Variants in COL14A1 observed in about 807,000 individuals in gnomAD.
COL14A1 encodes collagen type XIV alpha 1 chain.
A neutral mutation model predicts 230.3 loss-of-function variants in COL14A1; 136 were observed. The ratio of observed to expected loss-of-function variants is 0.59; its 90% CI spans 0.51 to 0.68. The LOEUF (loss-of-function observed/expected upper bound fraction) is 0.68, where lower values mean the gene tolerates loss of function less well. Among genes scored for constraint, COL14A1 ranks in the 30% least tolerant of loss-of-function variants. The probability of loss-of-function intolerance (pLI) is 0.00; values close to 1 mark genes in which losing one functional copy is unlikely to be tolerated. For missense variants in COL14A1, 1,976 were observed against 2,215.8 expected (o/e 0.89, Z 2.17); for synonymous variants, 792 against 784.1 (o/e 1.01, Z -0.17).
intron 5 of COL14A1, among the ~76,000 whole-genome samples, chr8:120,196,000 G>C (rs551481566): frequency 6.6e-6 from 1 of 152,286 alleles, no homozygotes; most frequent in East Asian, 1.9e-4. Flanking sequence ...TTGTTGTAGA[G>C]ACTTAACCAT....
intron 45 of COL14A1, 45 bp downstream of exon 45, chr8:120,345,608 G>A (rs773489616): frequency 2.8e-6 from 4 of 1,438,504 alleles, no homozygotes; most frequent in East Asian, 2.7e-5. Flanking sequence ...TGAGTTGGGT[G>A]CAGGGAAGCA....
chr8:120,260,250 A>G (rs372811743), intron 23 of COL14A1, among the ~76,000 whole-genome samples: 1 of 152,164 alleles, frequency 6.6e-6, no homozygotes, highest in South Asian at 2.1e-4. Flanking sequence ...CAAAATTTAA[A>G]ATAACATATA....
At chr8:120,254,307 T>C (rs1212936623) in intron 22 of COL14A1, among the ~76,000 whole-genome samples, 1 of 152,198 alleles carries the variant, frequency 6.6e-6, no homozygotes. Flanking sequence ...AACAACAATT[T>C]TTGCATATCA....
At chr8:120,321,450 C>T (rs1480339474) in intron 40 of COL14A1, among the ~76,000 whole-genome samples, 1 of 151,854 alleles carries the variant, frequency 6.6e-6, no homozygotes, top group East Asian at 1.9e-4. Context: ...ACAAGCCTGG[C>T]CAACATGGTG....
intron 1 of COL14A1, among the ~76,000 whole-genome samples, chr8:120,127,685 T>G (rs1284402149): frequency 6.6e-6 from 1 of 152,232 alleles, no homozygotes; most frequent in Non-Finnish European, 1.5e-5. Context: ...CTTAAATATT[T>G]CCTAGTGTCA....
chr8:120,245,204 CT>C (rs1018994817), intron 20 of COL14A1, among the ~76,000 whole-genome samples: 1 of 152,162 alleles, frequency 6.6e-6, no homozygotes, highest in African/African-American at 2.4e-5. Context: ...TGATATTATC[CT>C]TTTTTGTTTG....
At chr8:120,277,410 A>G (rs1236623914) in intron 26 of COL14A1, 2 of 152,132 alleles carry the variant, frequency 1.3e-5, no homozygotes, top group Non-Finnish European at 2.9e-5. Context: ...CAAAAATCCT[A>G]CAAGCTTGAA....
intron 45 of COL14A1, among the ~76,000 whole-genome samples, chr8:120,366,455 T>G (rs1265124989): frequency 2.6e-5 from 4 of 152,250 alleles, no homozygotes; most frequent in Non-Finnish European, 5.9e-5. Flanking sequence ...CCCAGTCTAA[T>G]GCAACCGTAT....
chr8:120,307,037 A>G (rs1820876749), intron 36 of COL14A1, among the ~76,000 whole-genome samples: 1 of 152,226 alleles, frequency 6.6e-6, no homozygotes, highest in Non-Finnish European at 1.5e-5. Context: ...TAGAAGATTT[A>G]GAGGGAGATG....
In COL14A1 at chr8:120,208,483, A is replaced by G. The variant is rs78967415; in HGVS notation, c.1321+122A>G. ...TCCTGAATCGAATTCAATCAAATTC[A>G]TAGAAGACATTTGTCGTGCTATATG... is the stretch of plus-strand genomic sequence containing the variant. On this transcript the variant is annotated intron_variant, in intron 11 of 47. Coordinates refer to ENST00000297848, the MANE Select transcript of COL14A1 (RefSeq NM_021110.4). The G allele has an allele frequency of 1.0e-5, 11 of 1,101,480 alleles. No individual in the cohort carries two copies. The African/African-American group carries it at 1.2e-4, about 12-fold the overall frequency. 68.2% of individuals were successfully genotyped at this position (1,101,480 alleles called of 1,614,324 possible). A position where few individuals can be genotyped will look rare whatever the true frequency, so the allele number is the denominator to read the frequency against.
At chr8:120,311,896 G>A (rs1188908046) in intron 37 of COL14A1, among the ~76,000 whole-genome samples, 1 of 151,936 alleles carries the variant, frequency 6.6e-6, no homozygotes, top group Non-Finnish European at 1.5e-5. Context: ...TCAGGAGTTC[G>A]AGACCAGCCT....
chr8:120,354,019 A>C (rs1329633294), intron 45 of COL14A1, among the ~76,000 whole-genome samples: 91 of 129,770 alleles, frequency 7.0e-4, no homozygotes, highest in African/African-American at 2.7e-3. Flanking sequence ...AGACTGGATT[A>C]AGAAAATGTG....
At chr8:120,329,711 A>G (rs1264129087) in intron 40 of COL14A1, among the ~76,000 whole-genome samples, 4 of 152,244 alleles carry the variant, frequency 2.6e-5, no homozygotes, top group African/African-American at 9.6e-5. Flanking sequence ...AATCTGTATC[A>G]GGGTTTATCA....
rs1032038263 is a variant in COL14A1 at position 120,277,411 on chromosome 8, C to T, written c.3214-700C>T. ...GTCAAATGAGGTGGCAAAAATCCTA[C>T]AAGCTTGAAAGATTTTTAAAAAACT... On this transcript the variant is annotated intron_variant, in intron 26 of 47. Coordinates refer to ENST00000297848, the MANE Select transcript of COL14A1 (RefSeq NM_021110.4). 5 of 152,224 alleles carry T rather than the reference C, an allele frequency of 3.3e-5. No individual in the cohort carries two copies. In the South Asian group the frequency reaches 8.3e-4, roughly 25 times the overall value. 9.4% of individuals were successfully genotyped at this position (152,224 alleles called of 1,614,324 possible). A position where few individuals can be genotyped will look rare whatever the true frequency, so the allele number is the denominator to read the frequency against.
intron 23 of COL14A1, among the ~76,000 whole-genome samples, chr8:120,257,578 G>A (rs748915030): frequency 3.9e-5 from 6 of 152,178 alleles, no homozygotes; most frequent in Non-Finnish European, 7.3e-5. Context: ...ATAGGGGAAT[G>A]TGTTCACCAT....
intron 36 of COL14A1, among the ~76,000 whole-genome samples, chr8:120,307,238 G>A (rs922295703): frequency 2.6e-5 from 4 of 152,118 alleles, no homozygotes; most frequent in African/African-American, 9.7e-5. Context: ...GGAAAAGGGG[G>A]TCAGAAAAGG....
Position 120,267,205 on chromosome 8 carries a change from A to G in COL14A1, c.3073+322A>G, listed in dbSNP as rs534513998. Among the ~76,000 whole-genome samples, 7 of 152,050 alleles carry G rather than the reference A, an allele frequency of 4.6e-5. No individual in the cohort carries two copies. In the South Asian group the frequency reaches 1.0e-3, roughly 23 times the overall value. ...AGTTTGTAGTTCCTCAGATACAGTA[A>G]TAGTTTCCCAGCCTACCTCTGAAGT... On this transcript the variant is annotated intron_variant, in intron 25 of 47. Transcript: ENST00000297848.
intron 35 of COL14A1, among the ~76,000 whole-genome samples, chr8:120,297,876 C>T (rs1252024731): frequency 6.6e-6 from 1 of 151,878 alleles, no homozygotes; most frequent in African/African-American, 2.4e-5. Context: ...TTTCTTGCAC[C>T]CCTAAGCCAA....
rs746008979 is a variant in COL14A1, at chr8:120,196,838, C to T, written c.484C>T (p.Leu162=). Residue 162 remains leucine (L), a synonymous_variant, in exon 6 of 48, where the codon CTG becomes TTG. Coordinates refer to ENST00000297848, the MANE Select transcript of COL14A1 (RefSeq NM_021110.4). The part of the protein sequence containing the change: ...QTPAIADIVI[L]VDGSWSIGRF... Reference sequence around the variant, plus strand: ...TCCAGCAATTGCTGACATTGTAATCCTGGTCGATGGTTCATGGAGTATTGG... The same window carrying T: ...TCCAGCAATTGCTGACATTGTAATCTTGGTCGATGGTTCATGGAGTATTGG... 2 of 1,613,944 alleles carry T rather than the reference C, an allele frequency of 1.2e-6. No individual in the cohort carries two copies. Among genetic ancestry groups the T allele is most frequent in the East Asian group, 4.5e-5 (2 of 44,860 alleles).
Sources: allele counts gnomAD v4.1 joint callset (sites outside exome capture counted in the v4.1 genomes callset), GRCh38; gene constraint gnomAD v4.1.1; transcripts MANE v1.5; gene names NCBI Gene and HGNC (gene_info 2026-07-23, HGNC 2026-07-21).